MYO1F: variants seen among roughly 807,000 people sequenced by gnomAD.
MYO1F encodes the protein myosin IF, also known as unconventional myosin-If.
A neutral mutation model predicts 146.6 loss-of-function variants in MYO1F; 60 were observed. That is an observed-to-expected ratio of 0.41 (90% CI 0.33 to 0.51). MYO1F has a LOEUF of 0.51. Among genes scored for constraint, MYO1F ranks in the 20% least tolerant of loss-of-function variants. The pLI is 0.25. For missense variants in MYO1F, 1,274 were observed against 1,534.3 expected, an observed-to-expected ratio of 0.83 and a Z score of 2.83; for synonymous variants, 602 against 602.1, an observed-to-expected ratio of 1.00 and a Z score of 0.00.
intron 25 of MYO1F, among the ~76,000 whole-genome samples, chr19:8,523,366 A>G (rs1244577143): frequency 6.6e-6 from 1 of 150,490 alleles, no homozygotes; most frequent in East Asian, 2.0e-4. Context: ...TTATTTTGAG[A>G]CATGGTCTCA....
At chr19:8,560,241 T>C (rs888903133) in intron 1 of MYO1F, among the ~76,000 whole-genome samples, 17 of 151,818 alleles carry the variant, frequency 1.1e-4, no homozygotes, top group Admixed American at 2.0e-4. Context: ...TCCCAGCACT[T>C]TGGGAGGCTG....
chr19:8,545,695 C>T lies in MYO1F; in HGVS notation c.1311G>A (p.Gln437=). Residue 437 remains glutamine (Q), a synonymous_variant, in exon 13 of 28, where the codon CAG becomes CAA. Coordinates refer to ENST00000644032, the MANE Select transcript of MYO1F (RefSeq NM_012335.4). ...VQEGIRWTPI[Q]YFNNKVVCDL... ...CACAGACGACCTTGTTGTTGAAGTA[C>T]TGGATTGGAGTCCAGCGGATGCCTT... The T allele has an allele frequency of 6.2e-7, 1 of 1,614,166 alleles. No homozygotes were observed. The highest frequency in any genetic ancestry group is 8.5e-7 in the Non-Finnish European group (1 of 1,180,032).
intron 1 of MYO1F, among the ~76,000 whole-genome samples, chr19:8,575,126 T>G (rs1443030988): frequency 6.7e-6 from 1 of 148,668 alleles, no homozygotes; most frequent in Admixed American, 6.7e-5. Flanking sequence ...GCCGAGGCTG[T>G]AGTGCAATGG....
rs1568368857 is a variant in MYO1F at position 8,561,420 on chromosome 19, TTC to T, written c.4-5626_4-5625del. Among the ~76,000 whole-genome samples the T allele has an allele frequency of 1.4e-4, 16 of 118,046 alleles. No individual in the cohort carries two copies. In the East Asian group the frequency reaches 4.7e-3, roughly 35 times the overall value. The allele number at this position is 118,046 out of a possible 152,430, so 77.4% of individuals were successfully genotyped here. On this transcript the variant is annotated intron_variant, in intron 1 of 27. Coordinates refer to ENST00000644032, the MANE Select transcript of MYO1F (RefSeq NM_012335.4). ...TTCCTTCCTTTCTCCTCTCCCTCCC[TTC>T]CTTTCTCCTCTCCCTCCCTTCCTTC...
intron 19 of MYO1F, among the ~76,000 whole-genome samples, chr19:8,535,011 A>G (rs1159444585): frequency 2.7e-5 from 4 of 146,048 alleles, no homozygotes; most frequent in South Asian, 2.2e-4. Flanking sequence ...TCCTGGGTTA[A>G]AGTGATTTTC....
Position 8,555,787 on chromosome 19 carries a change from C to T in MYO1F, c.13G>A (p.Glu5Lys). The stretch of plus-strand genomic sequence containing the variant: ...TTGTGGCTCTGCCAGTGGAAGCGCT[C>T]CTTGCTGCCCTGGGGGGTGAGAGGG... MGSK[E>K]RFHWQSHNVK... The change falls in exon 2 of 28, where the codon GAG (glutamate) becomes AAG (lysine). Residue 5 changes from glutamate to lysine, a missense_variant. Transcript: ENST00000644032. The T allele has an allele frequency of 1.2e-6, 2 of 1,613,094 alleles. No individual in the cohort carries two copies. Among genetic ancestry groups the T allele is most frequent in the Non-Finnish European group, 1.7e-6 (2 of 1,179,856 alleles).
At chr19:8,553,558 G>C in intron 4 of MYO1F, 121 bp from the exon 5 acceptor site, 1 of 798,198 alleles carries the variant, frequency 1.3e-6, no homozygotes. Context: ...TGGGGATACT[G>C]TAATGAACAA....
At position 8,550,647 on chromosome 19, in the gene MYO1F, G is replaced by T. The variant is rs1345512011; in HGVS notation, c.819C>A (p.Val273=). 2 of 1,614,002 alleles carry T rather than the reference G, an allele frequency of 1.2e-6. No individual in the cohort carries two copies. The highest frequency in any genetic ancestry group is 1.7e-6 in the Non-Finnish European group (2 of 1,180,044). Residue 273 remains valine (V), a synonymous_variant, in exon 9 of 28, where the codon GTC becomes GTA. Transcript: ENST00000644032. ...GCAAGATCCCCGCCACGAGCTGCAGGACCAGCTGCTGGATGCTGGGCGGGA... is the reference window on the plus strand; with the variant it reads ...GCAAGATCCCCGCCACGAGCTGCAGTACCAGCTGCTGGATGCTGGGCGGGA... The part of the protein sequence containing the change: ...IGIPPSIQQL[V]LQLVAGILHL...
chr19:8,533,284 C>T (rs527915768), intron 19 of MYO1F, among the ~76,000 whole-genome samples: 27 of 152,002 alleles, frequency 1.8e-4, no homozygotes, highest in African/African-American at 6.5e-4. Flanking sequence ...CAGCCTTGAC[C>T]TCCCAAAGTG....
intron 25 of MYO1F, among the ~76,000 whole-genome samples, chr19:8,523,501 C>T (rs988243111): frequency 1.3e-5 from 2 of 151,988 alleles, no homozygotes; most frequent in African/African-American, 4.8e-5. Context: ...GTATGCTCCA[C>T]TATGCCCAGT....
In MYO1F at chr19:8,543,897, CTGGTGGTGG is replaced by C. The variant is rs1203381495; in HGVS notation, c.1524+391_1524+399del. Among the ~76,000 whole-genome samples, 18 of 11,098 alleles carry C rather than the reference CTGGTGGTGG, an allele frequency of 1.6e-3. 1 individual carries two copies. The South Asian group carries it at 0.018, about 11-fold the overall frequency. The allele number at this position is 11,098 out of a possible 152,430, so 7.3% of individuals were successfully genotyped here. ...GGTGCTGGTGGTGGTGGTGGTGGTG[CTGGTGGTGG>C]TGGTGGTGGTGGTGGTGGTGGTGGT... On this transcript the variant is annotated intron_variant, in intron 14 of 27. Coordinates refer to ENST00000644032, the MANE Select transcript of MYO1F (RefSeq NM_012335.4).
chr19:8,543,813 G>C (rs1314656469), intron 14 of MYO1F, among the ~76,000 whole-genome samples: 2 of 13,096 alleles, frequency 1.5e-4, no homozygotes, highest in Admixed American at 7.8e-4. Context: ...GGTGGTGCTG[G>C]TGGTGGTGGT....
intron 12 of MYO1F, 47 bp downstream of exon 12, chr19:8,547,989 C>T (rs778263981): frequency 9.1e-7 from 1 of 1,104,306 alleles, no homozygotes; most frequent in South Asian, 1.2e-5. Context: ...TCCTTCCACC[C>T]CACCCCCACC....
rs374157870 is a variant in MYO1F at position 8,553,868 on chromosome 19, T to TCACACACACACACACACACACACACA, written c.327-457_327-432dup. ...GCCTGGGTGACAGACTGAGACTCTG[T>TCACACACACACACACACACACACACA]CACACACACACACACACACACACAC... On this transcript the variant is annotated intron_variant, in intron 4 of 27. Transcript: ENST00000644032. Among the ~76,000 whole-genome samples, 38 of 121,566 alleles carry TCACACACACACACACACACACACACA rather than the reference T, an allele frequency of 3.1e-4. 1 individual carries two copies. The highest frequency in any genetic ancestry group is 4.2e-4 in the Admixed American group (5 of 11,798). 79.8% of individuals were successfully genotyped at this position (121,566 alleles called of 152,430 possible). A position where few individuals can be genotyped will look rare whatever the true frequency, so the allele number is the denominator to read the frequency against.
At chr19:8,553,548 T>C in intron 4 of MYO1F, 111 bp from the exon 5 acceptor site, 1 of 854,202 alleles carries the variant, frequency 1.2e-6, no homozygotes, top group Non-Finnish European at 2.0e-6. Context: ...TTCCGGGTAC[T>C]GGGGATACTG....
intron 14 of MYO1F, 188 bp downstream of exon 14, chr19:8,544,109 C>G: frequency 1.7e-6 from 1 of 606,000 alleles, no homozygotes; most frequent in Non-Finnish European, 2.8e-6. Flanking sequence ...CCTGGGGGGT[C>G]AGCCGGAAGG....
Position 8,530,222 on chromosome 19 carries a change from C to T in MYO1F, c.2302G>A (p.Val768Ile). The change falls in exon 21 of 28, where the codon GTC becomes ATC. Residue 768 changes from valine (V) to isoleucine (I), a missense_variant. Physicochemically the swap from Val to Ile is conservative, Grantham distance 29. Around this residue, in one of 2 missense-constraint regions of MYO1F, gnomAD observed 900 missense variants for 1,155.1 expected, o/e 0.78. Transcript: ENST00000644032. The surrounding 1 kb of genome is among the most constrained non-coding windows in gnomAD (Gnocchi z 5.8). ...TTGAAGCGGCGGTCGTACTTGGTGACCGAATCGGCGAAGTCCACCCGCTCC... is the reference window on the plus strand; with the variant it reads ...TTGAAGCGGCGGTCGTACTTGGTGATCGAATCGGCGAAGTCCACCCGCTCC... Reference protein sequence around the residue: ...KRERVDFADSVTKYDRRFKPI... With the variant: ...KRERVDFADSITKYDRRFKPI... 2 of 1,614,040 alleles carry T rather than the reference C, an allele frequency of 1.2e-6. No homozygotes were observed.
chr19:8,540,028 C>A lies in MYO1F; in HGVS notation c.1611G>T (p.Gln537His). The A allele has an allele frequency of 6.2e-7, 1 of 1,609,618 alleles. No individual in the cohort carries two copies. Among genetic ancestry groups the A allele is most frequent in the Non-Finnish European group, 8.5e-7 (1 of 1,177,148 alleles). ...DLIELMQTSE[Q>H]AFLRMLFPEK... ...CGGGGAAGAGCATCCGGAGGAAGGC[C>A]CTGGGTAGGAAAGGGGAGAGGAGGA... The change falls in exon 16 of 28, where the codon CAG (glutamine) becomes CAT (histidine). Residue 537 changes from glutamine (Q) to histidine (H), a missense_variant and splice_region_variant. Physicochemically the swap from Gln to His is conservative, Grantham distance 24 (BLOSUM62 0). Around this residue, in one of 2 missense-constraint regions of MYO1F, gnomAD observed 900 missense variants for 1,155.1 expected, o/e 0.78. Transcript: ENST00000644032.
At chr19:8,547,964 A>C in intron 12 of MYO1F, 72 bp downstream of exon 12, 7 of 1,450,946 alleles carry the variant, frequency 4.8e-6, no homozygotes, top group Non-Finnish European at 6.7e-6. Flanking sequence ...CCTAGTTGCT[A>C]AGGGATCCTC....
Sources: gnomAD v4.1 joint callset for allele counts (sites outside exome capture counted in the v4.1 genomes callset) on GRCh38, gnomAD v4.1.1 for gene constraint, gnomAD v4.1.1 regional missense constraint, Gnocchi (gnomAD v3.1) non-coding constraint, MANE v1.5 for transcripts, NCBI Gene and HGNC (gene_info 2026-07-23, HGNC 2026-07-21) for gene names.